Variants in SAMD9 observed in about 807,000 individuals in gnomAD.
SAMD9 encodes sterile alpha motif domain containing 9, also known as sterile alpha motif domain-containing protein 9.
Under a neutral mutation model 1.5 loss-of-function variants are expected in SAMD9, and 3 were observed. The observed-to-expected ratio is 2.05, with a 90% CI of 0.93 to 5.29. The LOEUF (loss-of-function observed/expected upper bound fraction) is 5.29. Among genes scored for constraint, SAMD9 ranks in the 30% most tolerant of loss-of-function variants. The probability of loss-of-function intolerance (pLI) is 0.02; values close to 1 mark genes in which losing one functional copy is unlikely to be tolerated. For missense variants in SAMD9, 1,597 were observed against 1,820.8 expected, an observed-to-expected ratio of 0.88 and a Z score of 2.24; for synonymous variants, 635 against 631.9, an observed-to-expected ratio of 1.00 and a Z score of -0.07.
At chr7:93,116,990 C>G (rs1346917524) in intron 1 of SAMD9, among the ~76,000 whole-genome samples, 2 of 152,154 alleles carry the variant, frequency 1.3e-5, no homozygotes. Flanking sequence ...CTTGCATTAT[C>G]TTACTGTTTG....
At chr7:93,113,253 A>G (rs527865926) in intron 2 of SAMD9, among the ~76,000 whole-genome samples, 135 of 152,270 alleles carry the variant, frequency 8.9e-4, no homozygotes, top group Non-Finnish European at 1.6e-3. Context: ...CTAGCCATAT[A>G]TAGAAAGCTG....
chr7:93,113,104 A>C (rs1175615856), intron 2 of SAMD9, among the ~76,000 whole-genome samples: 1 of 152,184 alleles, frequency 6.6e-6, no homozygotes, highest in Admixed American at 6.5e-5. Context: ...ACCAAAACAG[A>C]GATATAGACC....
At chr7:93,116,786 T>A (rs927853628) in intron 1 of SAMD9, among the ~76,000 whole-genome samples, 7 of 152,142 alleles carry the variant, frequency 4.6e-5, no homozygotes, top group African/African-American at 1.4e-4. Context: ...AAATTACTGG[T>A]TTTGATTCCG....
At position 93,101,498 on chromosome 7, in the gene SAMD9, C is replaced by T; in HGVS notation, c.4600G>A (p.Ala1534Thr). 1.2e-6 allele frequency: 2 copies of T among 1,613,762 alleles called. No homozygotes were observed. The highest frequency in any genetic ancestry group is 1.1e-5 in the South Asian group (1 of 91,076). The change falls in exon 3 of 3, where the codon GCT (alanine) becomes ACT (threonine). Residue 1534 changes from alanine to threonine, a missense_variant. Transcript: ENST00000379958. ...TCTATATATAAACAATTGTTTTCAG[C>T]TCGACCTTGTAAACGAAGCAAAAGT... ...QELLLRLQGR[A>T]ENNCLYIEYG...
chr7:93,117,575 G>A (rs1272056614), intron 1 of SAMD9, among the ~76,000 whole-genome samples: 2 of 152,016 alleles, frequency 1.3e-5, no homozygotes, highest in East Asian at 3.9e-4. Context: ...TACCACACCT[G>A]GCCTGTTTGT....
At chr7:93,108,035 A>C (rs1791673548) in intron 2 of SAMD9, among the ~76,000 whole-genome samples, 1 of 152,218 alleles carries the variant, frequency 6.6e-6, no homozygotes, top group Admixed American at 6.5e-5. Context: ...CAGTAATAAA[A>C]ATGCTGCATA....
In SAMD9 at chr7:93,103,467, T is replaced by C; in HGVS notation, c.2631A>G (p.Lys877=). 1 of 1,613,262 alleles carries C rather than the reference T, an allele frequency of 6.2e-7. No individual in the cohort carries two copies. Among genetic ancestry groups the C allele is most frequent in the Non-Finnish European group, 8.5e-7 (1 of 1,179,348 alleles). Residue 877 remains lysine, a synonymous_variant, in exon 3 of 3, where the codon AAA becomes AAG. Coordinates refer to ENST00000379958, the MANE Select transcript of SAMD9 (RefSeq NM_017654.4). ...LKLKEIKEQH[K]NFEDFYSFMI... Reference sequence around the variant, plus strand: ...TAAAGGAATAAAAATCCTCAAAGTTTTTATGCTGTTCTTTGATTTCTTTCA... The same window carrying C: ...TAAAGGAATAAAAATCCTCAAAGTTCTTATGCTGTTCTTTGATTTCTTTCA...
chr7:93,114,848 G>A lies in SAMD9; in HGVS notation c.-62C>T, dbSNP rs1251898369. The A allele has an allele frequency of 6.6e-6, 1 of 152,176 alleles. No homozygotes were observed. The highest frequency in any genetic ancestry group is 2.4e-5 in the African/African-American group (1 of 41,448). The allele number at this position is 152,176 out of a possible 1,614,324, so 9.4% of individuals were successfully genotyped here. A position where few individuals can be genotyped will look rare whatever the true frequency, so the allele number is the denominator to read the frequency against. Reference sequence around the variant, plus strand: ...GTCTCACTTCCAGGGTGATGTAGGAGATCACAAAAGGCCACCTATTCACCC... The same window carrying A: ...GTCTCACTTCCAGGGTGATGTAGGAAATCACAAAAGGCCACCTATTCACCC... On this transcript the variant is annotated 5_prime_UTR_variant, in exon 2 of 3. Coordinates refer to ENST00000379958, the MANE Select transcript of SAMD9 (RefSeq NM_017654.4).
In SAMD9 at chr7:93,105,084, T is replaced by G. The variant is rs1180456100; in HGVS notation, c.1014A>C (p.Lys338Asn). Reference sequence around the variant, plus strand: ...TCCCATCTCGCACAAATAGTGAGAATTTTTTACTTTGTTCCCATATTTTGT... The same window carrying G: ...TCCCATCTCGCACAAATAGTGAGAAGTTTTTACTTTGTTCCCATATTTTGT... Reference protein sequence around the residue: ...YNNKIWEQSKKFSLFVRDGTS... With the variant: ...YNNKIWEQSKNFSLFVRDGTS... Residue 338 changes from lysine (K) to asparagine (N), a missense_variant, in exon 3 of 3, where the codon AAA becomes AAC. This residue lies in a region of SAMD9 where 498 missense variants were observed against 457.4 expected (regional missense o/e 1.09). Coordinates refer to ENST00000379958, the MANE Select transcript of SAMD9 (RefSeq NM_017654.4). The G allele has an allele frequency of 1.2e-6, 2 of 1,613,948 alleles. No homozygotes were observed. The highest frequency in any genetic ancestry group is 1.7e-6 in the Non-Finnish European group (2 of 1,179,942).
At position 93,104,993 on chromosome 7, in the gene SAMD9, G is replaced by A; in HGVS notation, c.1105C>T (p.Leu369=). The A allele has an allele frequency of 1.9e-6, 3 of 1,613,454 alleles. No individual in the cohort carries two copies. The highest frequency in any genetic ancestry group is 2.5e-6 in the Non-Finnish European group (3 of 1,179,890). ...TCTGCTGCTTTTCTGGACTCTGCCA[G>A]TGTTTTAAAATCTGCTTTAAATGCT... ...FRAFKADFKT[L]AESRKAAEEK... The change falls in exon 3 of 3, where the codon CTG becomes TTG. Residue 369 remains leucine (L), a synonymous_variant. Coordinates refer to ENST00000379958, the MANE Select transcript of SAMD9 (RefSeq NM_017654.4).
At position 93,104,388 on chromosome 7, in the gene SAMD9, C is replaced by T; in HGVS notation, c.1710G>A (p.Met570Ile). The T allele has an allele frequency of 6.2e-7, 1 of 1,613,884 alleles. No individual in the cohort carries two copies. Among genetic ancestry groups the T allele is most frequent in the Non-Finnish European group, 8.5e-7 (1 of 1,179,854 alleles). ...FCAFYQDLKG[M>I]ENILCICVHP... ...GCACACAAATACACAGTATATTTTCCATTCCTTTGAGATCCTGGTAGAAAG... is the reference window on the plus strand; with the variant it reads ...GCACACAAATACACAGTATATTTTCTATTCCTTTGAGATCCTGGTAGAAAG... Residue 570 changes from methionine (M) to isoleucine (I), a missense_variant, in exon 3 of 3, where the codon ATG (methionine) becomes ATA (isoleucine). Around this residue, in one of 6 missense-constraint regions of SAMD9, gnomAD observed 358 missense variants for 460.4 expected, o/e 0.78. Transcript: ENST00000379958.
chr7:93,106,112 G>A lies in SAMD9; in HGVS notation c.-8-7C>T, dbSNP rs772172500. On this transcript the variant is annotated splice_polypyrimidine_tract_variant and splice_region_variant and intron_variant, in intron 2 of 2. Coordinates refer to ENST00000379958, the MANE Select transcript of SAMD9 (RefSeq NM_017654.4). ...TGCTTTGCCATTCTGATACCTATATGTAGAAAAAGAAAAATTATTTAGTAT... is the reference window on the plus strand; with the variant it reads ...TGCTTTGCCATTCTGATACCTATATATAGAAAAAGAAAAATTATTTAGTAT... 10 of 1,541,590 alleles carry A rather than the reference G, an allele frequency of 6.5e-6. No homozygotes were observed. The highest frequency in any genetic ancestry group is 8.7e-6 in the Non-Finnish European group (10 of 1,144,788).
intron 2 of SAMD9, among the ~76,000 whole-genome samples, chr7:93,113,606 G>A (rs1022523812): frequency 6.6e-6 from 1 of 151,870 alleles, no homozygotes. Context: ...TTTACAAAAA[G>A]AAATCAAGCA....
At position 93,100,769 on chromosome 7, in the gene SAMD9, C is replaced by T. The variant is rs1791514901; in HGVS notation, c.*559G>A. 1 of 152,904 alleles carries T rather than the reference C, an allele frequency of 6.5e-6. No individual in the cohort carries two copies. The highest frequency in any genetic ancestry group is 1.5e-5 in the Non-Finnish European group (1 of 68,582). 9.5% of individuals were successfully genotyped at this position (152,904 alleles called of 1,614,324 possible). On this transcript the variant is annotated 3_prime_UTR_variant, in exon 3 of 3. Transcript: ENST00000379958. Reference sequence around the variant, plus strand: ...TGCATGAAAAGGCAATCTAATTCTCCAACCTACTTTGGTAAGGTCTGATGA... The same window carrying T: ...TGCATGAAAAGGCAATCTAATTCTCTAACCTACTTTGGTAAGGTCTGATGA...
In SAMD9 at chr7:93,100,025, A is replaced by G. The variant is rs1421214804; in HGVS notation, c.*1303T>C. On this transcript the variant is annotated 3_prime_UTR_variant, in exon 3 of 3. Coordinates refer to ENST00000379958, the MANE Select transcript of SAMD9 (RefSeq NM_017654.4). ...AATAATTGATTTTAGATTTTGCTCA[A>G]ATTAGGATCTAAAGTCTATATGTTG... The G allele has an allele frequency of 6.6e-6, 1 of 152,130 alleles. No homozygotes were observed. The highest frequency in any genetic ancestry group is 1.9e-4 in the East Asian group (1 of 5,202). 9.4% of individuals were successfully genotyped at this position (152,130 alleles called of 1,614,324 possible).
rs1256735612 is a variant in SAMD9 at position 93,105,938 on chromosome 7, GA to G, written c.159del (p.Val55LeufsTer13). The G allele has an allele frequency of 6.2e-7, 1 of 1,611,966 alleles. No individual in the cohort carries two copies. Among genetic ancestry groups the G allele is most frequent in the East Asian group, 2.2e-5 (1 of 44,870 alleles). ...GAVLKWLKKE[H>X]LVDMGITHGP... is the part of the protein sequence containing the mutation. ...CCATGTGTGATGCCCATATCAACAA[GA>G]TGTTCTTTTTTTAACCACTTCAAGA... On this transcript the variant is annotated frameshift_variant, in exon 3 of 3. Coordinates refer to ENST00000379958, the MANE Select transcript of SAMD9 (RefSeq NM_017654.4). LOFTEE classifies it low-confidence loss of function (END_TRUNC).
At chr7:93,114,938 C>T (rs1791810311) in intron 1 of SAMD9, 43 bp from the exon 2 acceptor site, 1 of 152,178 alleles carries the variant, frequency 6.6e-6, no homozygotes, top group Non-Finnish European at 1.5e-5. Context: ...ATCACAAAGT[C>T]ATCAATAGAC....
In SAMD9 at chr7:93,103,437, G is replaced by T; in HGVS notation, c.2661C>A (p.Ile887=). The T allele has an allele frequency of 6.2e-7, 1 of 1,613,110 alleles. No homozygotes were observed. The highest frequency in any genetic ancestry group is 8.5e-7 in the Non-Finnish European group (1 of 1,179,306). Residue 887 remains isoleucine (I), a synonymous_variant, in exon 3 of 3, where the codon ATC becomes ATA. Coordinates refer to ENST00000379958, the MANE Select transcript of SAMD9 (RefSeq NM_017654.4). ...KNFEDFYSFM[I]MKTNFNKEYI... Reference sequence around the variant, plus strand: ...ATTCTTTATTAAAATTGGTTTTCATGATCATAAAGGAATAAAAATCCTCAA... The same window carrying T: ...ATTCTTTATTAAAATTGGTTTTCATTATCATAAAGGAATAAAAATCCTCAA...
intron 2 of SAMD9, among the ~76,000 whole-genome samples, chr7:93,107,185 C>A (rs917867463): frequency 6.6e-6 from 1 of 151,866 alleles, no homozygotes; most frequent in Admixed American, 6.6e-5. Context: ...GGATTACAGG[C>A]GTGAGTCACC....
Sources: gnomAD v4.1 joint callset for allele counts (sites outside exome capture counted in the v4.1 genomes callset) on GRCh38, gnomAD v4.1.1 for gene constraint, gnomAD v4.1.1 regional missense constraint, MANE v1.5 for transcripts, NCBI Gene and HGNC (gene_info 2026-07-23, HGNC 2026-07-21) for gene names.